The following ZMYM4 variants were observed in gnomAD, a reference collection of about 807,000 sequenced individuals.
ZMYM4 encodes zinc finger MYM-type protein 4.
Under a neutral mutation model 183.2 loss-of-function variants are expected in ZMYM4, and 31 were observed. The ratio of observed to expected loss-of-function variants is 0.17; its 90% CI spans 0.13 to 0.23. The LOEUF is 0.23. ZMYM4 is among the 10% of genes least tolerant of loss of function. The pLI is 1.00. For synonymous variants in ZMYM4, 592 were observed against 631.2 expected, an observed-to-expected ratio of 0.94 and a Z score of 0.93; for missense variants, 1,273 against 1,840.3, an observed-to-expected ratio of 0.69 and a Z score of 5.64.
chr1:35,389,781 A>ATATATGTGTGTGTGTGTG lies in ZMYM4; in HGVS notation c.2437-166_2437-165insATATGTGTGTGTGTGTGT, dbSNP rs1553179061. Among the ~76,000 whole-genome samples the ATATATGTGTGTGTGTGTG allele has an allele frequency of 2.2e-4, 31 of 141,472 alleles. No individual in the cohort carries two copies. Among genetic ancestry groups the ATATATGTGTGTGTGTGTG allele is most frequent in the African/African-American group, 7.7e-4 (29 of 37,662 alleles). 92.8% of individuals were successfully genotyped at this position (141,472 alleles called of 152,430 possible). A position where few individuals can be genotyped will look rare whatever the true frequency, so the allele number is the denominator to read the frequency against. ...AAAAAAAAAAAAAATATATATATAT[A>ATATATGTGTGTGTGTGTG]TGTGTGTGTGTGTGTGTGTGTGTGT... On this transcript the variant is annotated intron_variant, in intron 14 of 29. Transcript: ENST00000314607. This position sits in a 1 kb window ranked among gnomAD's most constrained non-coding sequence, Gnocchi z 4.0.
At chr1:35,351,037 G>A (rs773005982) in intron 2 of ZMYM4, 10 of 883,144 alleles carry the variant, frequency 1.1e-5, no homozygotes, top group Non-Finnish European at 1.5e-5. Context: ...CTGCTGGCCC[G>A]CAGCCTTCTC....
rs553767286 is a variant in ZMYM4 at position 35,419,045 on chromosome 1, C to T, written c.4440-425C>T. On this transcript the variant is annotated intron_variant, in intron 29 of 29. Transcript: ENST00000314607. The stretch of plus-strand genomic sequence containing the variant: ...CCCTTTGATAATGTGTATTGAGTGC[C>T]CTTGGAGTTCATTCCAGGATATTGG... Among the ~76,000 whole-genome samples, 9 of 152,120 alleles carry T rather than the reference C, an allele frequency of 5.9e-5. No individual in the cohort carries two copies. In the South Asian group the frequency reaches 8.3e-4, roughly 14 times the overall value.
chr1:35,316,309 G>A (rs1642042971), intron 1 of ZMYM4, among the ~76,000 whole-genome samples: 1 of 152,186 alleles, frequency 6.6e-6, no homozygotes. Flanking sequence ...TAGCAAATGT[G>A]TAATAGTAAG....
intron 18 of ZMYM4, among the ~76,000 whole-genome samples, chr1:35,395,782 A>G (rs571167590): frequency 7.9e-5 from 12 of 152,300 alleles, no homozygotes; most frequent in Non-Finnish European, 1.5e-4. Flanking sequence ...AGTTTTGAAT[A>G]CCATGTAATT....
chr1:35,339,432 A>G (rs936015775), intron 2 of ZMYM4, among the ~76,000 whole-genome samples: 16 of 152,152 alleles, frequency 1.1e-4, no homozygotes, highest in African/African-American at 2.2e-4. Flanking sequence ...ATGGGGTTTC[A>G]CCACACTGGC....
At chr1:35,293,260 C>A (rs1301286603) in intron 1 of ZMYM4, among the ~76,000 whole-genome samples, 1 of 152,086 alleles carries the variant, frequency 6.6e-6, no homozygotes, top group Non-Finnish European at 1.5e-5. Flanking sequence ...CTGCCTCAGC[C>A]TCCCGAAGTG....
intron 1 of ZMYM4, among the ~76,000 whole-genome samples, chr1:35,314,654 T>C (rs1226702451): frequency 8.8e-6 from 1 of 113,830 alleles, no homozygotes; most frequent in Non-Finnish European, 1.8e-5. Flanking sequence ...TATTTAACTA[T>C]TCAAAAATGA....
rs564440648 is a variant in ZMYM4, at chr1:35,419,414, A to G, written c.4440-56A>G. 45 of 1,574,066 alleles carry G rather than the reference A, an allele frequency of 2.9e-5. No individual in the cohort carries two copies. In the South Asian group the frequency reaches 4.9e-4, roughly 17 times the overall value. Reference sequence around the variant, plus strand: ...TACTTAAGAATAGTACATATTTCCTATACTCTCTGATTTCTAATTTTCTTT... The same window carrying G: ...TACTTAAGAATAGTACATATTTCCTGTACTCTCTGATTTCTAATTTTCTTT... On this transcript the variant is annotated intron_variant, in intron 29 of 29. Transcript: ENST00000314607.
At chr1:35,347,544 G>A (rs1422430215) in intron 2 of ZMYM4, among the ~76,000 whole-genome samples, 2 of 152,016 alleles carry the variant, frequency 1.3e-5, no homozygotes, top group Admixed American at 6.6e-5. Flanking sequence ...ATTATAAGGG[G>A]TAGCGTTAAA....
intron 20 of ZMYM4, among the ~76,000 whole-genome samples, chr1:35,398,148 A>G (rs1037601110): frequency 6.6e-5 from 10 of 152,204 alleles, no homozygotes; most frequent in Non-Finnish European, 1.2e-4. Flanking sequence ...TATGCAGTCC[A>G]GAAGTGGCGG....
At chr1:35,324,082 CT>C (rs144232828) in intron 1 of ZMYM4, among the ~76,000 whole-genome samples, 5 of 150,972 alleles carry the variant, frequency 3.3e-5, no homozygotes, top group Non-Finnish European at 7.4e-5. Context: ...AGGATGTATC[CT>C]TTTTTTTTGT....
At chr1:35,386,386 G>A (rs375957725) in intron 11 of ZMYM4, among the ~76,000 whole-genome samples, 197 bp downstream of exon 11, 3 of 151,962 alleles carry the variant, frequency 2.0e-5, no homozygotes, top group Non-Finnish European at 2.9e-5. Context: ...GGCGGAAGGC[G>A]AAGGGGAAGC....
At chr1:35,419,433 T>A (rs1640247268) in intron 29 of ZMYM4, 37 bp from the exon 30 acceptor site, 2 of 1,598,566 alleles carry the variant, frequency 1.3e-6, no homozygotes, top group African/African-American at 2.7e-5. Context: ...GATTTCTAAT[T>A]TTCTTTTTTC....
At position 35,325,510 on chromosome 1, in the gene ZMYM4, G is replaced by A. The variant is rs1642467902; in HGVS notation, c.85+105G>A. 14 of 1,082,178 alleles carry A rather than the reference G, an allele frequency of 1.3e-5. No homozygotes were observed. The South Asian group carries it at 2.1e-4, about 16-fold the overall frequency. 67.0% of individuals were successfully genotyped at this position (1,082,178 alleles called of 1,614,324 possible). On this transcript the variant is annotated intron_variant, in intron 2 of 29. Coordinates refer to ENST00000314607, the MANE Select transcript of ZMYM4 (RefSeq NM_005095.3). The stretch of plus-strand genomic sequence containing the variant: ...CAGTGTTTAGTTAGGGCTGATTTAT[G>A]TGATGGTTCAATCTGATTTAGTCTA...
At chr1:35,320,855 G>C (rs1186273898) in intron 1 of ZMYM4, among the ~76,000 whole-genome samples, 1 of 151,958 alleles carries the variant, frequency 6.6e-6, no homozygotes, top group East Asian at 1.9e-4. Context: ...TTTTCTTCAG[G>C]GTGCACTTTT....
chr1:35,406,142 G>A (rs1041544010), intron 25 of ZMYM4, among the ~76,000 whole-genome samples: 1 of 152,072 alleles, frequency 6.6e-6, no homozygotes, highest in East Asian at 1.9e-4. Flanking sequence ...TTAAACCTAG[G>A]TGATTGTATG....
intron 2 of ZMYM4, chr1:35,350,846 A>G (rs1643579114): frequency 1.8e-6 from 1 of 561,230 alleles, no homozygotes; most frequent in Admixed American, 2.6e-5. Flanking sequence ...CAGGATAAAA[A>G]TAAATACAAA....
At chr1:35,409,899 C>T (rs77411920) in intron 26 of ZMYM4, among the ~76,000 whole-genome samples, 3,918 of 151,772 alleles carry the variant, frequency 0.026, 280 homozygotes, top group East Asian at 0.2. Context: ...AAGATCGCGC[C>T]CCTGCACTTC....
At chr1:35,359,960 C>T (rs561827714) in intron 3 of ZMYM4, among the ~76,000 whole-genome samples, 1 of 151,818 alleles carries the variant, frequency 6.6e-6, no homozygotes, top group South Asian at 2.1e-4. Context: ...TGAGGTTCCT[C>T]CTGAGCCTCT....
Sources: allele counts gnomAD v4.1 joint callset (sites outside exome capture counted in the v4.1 genomes callset), GRCh38; gene constraint gnomAD v4.1.1; non-coding constraint Gnocchi (gnomAD v3.1); transcripts MANE v1.5; gene names NCBI Gene and HGNC (gene_info 2026-07-23, HGNC 2026-07-21).